PCDHA2: variants seen among roughly 807,000 people sequenced by gnomAD.
PCDHA2 encodes protocadherin alpha-2.
In PCDHA2, 58 loss-of-function variants were observed where a neutral mutation model predicts 66.0. That is an observed-to-expected ratio of 0.88 (90% CI 0.71 to 1.09). The LOEUF (loss-of-function observed/expected upper bound fraction) is 1.09. PCDHA2 is among the 50% of genes least tolerant of loss of function. The pLI is 0.00. For synonymous variants in PCDHA2, 634 were observed against 554.0 expected (o/e 1.14, Z -2.03); for missense variants, 1,267 against 1,242.3 (o/e 1.02, Z -0.30).
chr5:140,998,836 T>C (rs1388208720), intron 3 of PCDHA2, among the ~76,000 whole-genome samples: 2 of 152,254 alleles, frequency 1.3e-5, no homozygotes, highest in Non-Finnish European at 2.9e-5. Context: ...AGTGCTGGAT[T>C]ACTGGTGTGA....
At chr5:140,875,590 A>G (rs1554167782) in intron 1 of PCDHA2, 4 of 1,613,992 alleles carry the variant, frequency 2.5e-6, no homozygotes, top group Non-Finnish European at 3.4e-6. Flanking sequence ...CGAGGAGGCC[A>G]AACACGGCAC....
In PCDHA2 at chr5:141,012,118, T is replaced by C. The variant is rs2098422988; in HGVS notation, c.*2181T>C. 6.5e-6 allele frequency: 1 copy of C among 153,768 alleles called. No individual in the cohort carries two copies. The highest frequency in any genetic ancestry group is 2.4e-5 in the African/African-American group (1 of 41,458). The allele number at this position is 153,768 out of a possible 1,614,324, so 9.5% of individuals were successfully genotyped here. A position where few individuals can be genotyped will look rare whatever the true frequency, so the allele number is the denominator to read the frequency against. On this transcript the variant is annotated 3_prime_UTR_variant, in exon 4 of 4. Coordinates refer to ENST00000526136, the MANE Select transcript of PCDHA2 (RefSeq NM_018905.3). ...TCATTTTGCCCCACTGAAGCCCATG[T>C]ATCTGACCTTACGTGCCTTTTGAAC...
chr5:140,862,857 T>C (rs782223560), intron 1 of PCDHA2: 7 of 517,122 alleles, frequency 1.4e-5, no homozygotes, highest in African/African-American at 1.1e-4. Context: ...TGAGCAGCAA[T>C]GTGACGCTGC....
chr5:140,966,707 A>C, intron 1 of PCDHA2: 1 of 1,379,868 alleles, frequency 7.2e-7, no homozygotes, highest in Non-Finnish European at 9.3e-7. Context: ...GGCGTGGGGC[A>C]CGGCTGGGGA....
rs6883852 is a variant in PCDHA2, at chr5:140,924,704, G to T, written c.2389-54245G>T. 8.9e-3 allele frequency among the ~76,000 whole-genome samples: 1,352 copies of T among 152,160 alleles called. 15 individuals are homozygous for T. Among genetic ancestry groups the T allele is most frequent in the African/African-American group, 0.032 (1,309 of 41,486 alleles). On this transcript the variant is annotated intron_variant, in intron 1 of 3. Coordinates refer to ENST00000526136, the MANE Select transcript of PCDHA2 (RefSeq NM_018905.3). ...GAGGTCAGGAGTTCGAGACCAGCTT[G>T]TGCAACATGGCGAAACCTCACCTCT...
chr5:140,925,905 G>A (rs1241819632), intron 1 of PCDHA2, among the ~76,000 whole-genome samples: 1 of 151,822 alleles, frequency 6.6e-6, no homozygotes, highest in Admixed American at 6.6e-5. Flanking sequence ...GATCGTCAAG[G>A]GCCGTTTGCA....
rs78805068 is a variant in PCDHA2, at chr5:140,928,696, C to T, written c.2389-50253C>T. On this transcript the variant is annotated intron_variant, in intron 1 of 3. Transcript: ENST00000526136. ...TGCCTGGCTTTCCTACCACATCTCC[C>T]GGGCGTCTGACTCTAGTCTCTTTAG... The T allele has an allele frequency of 3.2e-3, 5,185 of 1,614,146 alleles. 27 individuals carry two copies. The highest frequency in any genetic ancestry group is 0.019 in the African/African-American group (1,449 of 75,020).
At position 141,010,386 on chromosome 5, in the gene PCDHA2, T is replaced by C; in HGVS notation, c.*449T>C. On this transcript the variant is annotated 3_prime_UTR_variant, in exon 4 of 4. Coordinates refer to ENST00000526136, the MANE Select transcript of PCDHA2 (RefSeq NM_018905.3). ...GGGTATGCGAGTGCCAGATATTGGCTGAGACGAGCCAGCTTAGACTAATTG... is the reference window on the plus strand; with the variant it reads ...GGGTATGCGAGTGCCAGATATTGGCCGAGACGAGCCAGCTTAGACTAATTG... The C allele has an allele frequency of 7.1e-7, 1 of 1,413,970 alleles. No homozygotes were observed. The highest frequency in any genetic ancestry group is 9.4e-7 in the Non-Finnish European group (1 of 1,063,616). 87.6% of individuals were successfully genotyped at this position (1,413,970 alleles called of 1,614,324 possible). A position where few individuals can be genotyped will look rare whatever the true frequency, so the allele number is the denominator to read the frequency against.
chr5:140,813,642 T>G (rs1554126262), intron 1 of PCDHA2: 2 of 152,226 alleles, frequency 1.3e-5, no homozygotes. Context: ...GACATTACTG[T>G]GCACTAATGT....
intron 1 of PCDHA2, chr5:140,801,633 C>T: frequency 1.2e-6 from 2 of 1,614,106 alleles, no homozygotes; most frequent in Non-Finnish European, 1.7e-6. Context: ...TTCCGAATCC[C>T]GACAGCCTGG....
At chr5:140,915,683 G>A (rs1052949485) in intron 1 of PCDHA2, among the ~76,000 whole-genome samples, 1 of 150,776 alleles carries the variant, frequency 6.6e-6, no homozygotes, top group African/African-American at 2.4e-5. Context: ...TTGAACTAGG[G>A]GTATGGTGAT....
chr5:140,961,477 G>T (rs2095615587), intron 1 of PCDHA2, among the ~76,000 whole-genome samples: 1 of 152,006 alleles, frequency 6.6e-6, no homozygotes, highest in African/African-American at 2.4e-5. Flanking sequence ...TTTTTGTCTT[G>T]TCCACGTGAG....
At chr5:140,938,322 A>G (rs1467948489) in intron 1 of PCDHA2, among the ~76,000 whole-genome samples, 1 of 152,240 alleles carries the variant, frequency 6.6e-6, no homozygotes, top group Admixed American at 6.5e-5. Context: ...ATTGAATAGA[A>G]GTAATGTTAA....
rs2150478834 is a variant in PCDHA2 at position 140,850,308 on chromosome 5, G to A, written c.2388+52956G>A. 1.9e-6 allele frequency: 3 copies of A among 1,597,160 alleles called. No individual in the cohort carries two copies. In the South Asian group the frequency reaches 3.3e-5, roughly 18 times the overall value. ...AGTGGACGCCGACTCGGGCTACAAC[G>A]CGTGGCTTTCATACGAGCTGCAGCC... On this transcript the variant is annotated intron_variant, in intron 1 of 3. Coordinates refer to ENST00000526136, the MANE Select transcript of PCDHA2 (RefSeq NM_018905.3).
intron 1 of PCDHA2, chr5:140,928,948 A>G: frequency 1.2e-6 from 2 of 1,614,032 alleles, no homozygotes; most frequent in Non-Finnish European, 1.7e-6. Flanking sequence ...GTATTTAGTA[A>G]TTGCCTTGGC....
chr5:140,801,742 T>G (rs965302343), intron 1 of PCDHA2: 1 of 1,613,990 alleles, frequency 6.2e-7, no homozygotes, highest in Non-Finnish European at 8.5e-7. Flanking sequence ...ACCTTGGACG[T>G]TAAAAGAAAT....
At chr5:140,985,982 G>A (rs1380609067) in intron 3 of PCDHA2, among the ~76,000 whole-genome samples, 3 of 151,940 alleles carry the variant, frequency 2.0e-5, no homozygotes, top group East Asian at 1.9e-4. Flanking sequence ...CTCGTGATCC[G>A]CCCACCTCAG....
At chr5:140,938,606 T>G (rs2092130259) in intron 1 of PCDHA2, among the ~76,000 whole-genome samples, 1 of 152,166 alleles carries the variant, frequency 6.6e-6, no homozygotes, top group African/African-American at 2.4e-5. Flanking sequence ...AATCTTGCAT[T>G]CTTGGAATAA....
At chr5:140,840,775 T>C (rs1318625823) in intron 1 of PCDHA2, among the ~76,000 whole-genome samples, 1 of 152,052 alleles carries the variant, frequency 6.6e-6, no homozygotes, top group Non-Finnish European at 1.5e-5. Flanking sequence ...GTAGAAAAGT[T>C]AGAATTATAT....
Sources: gnomAD v4.1 joint callset for allele counts (sites outside exome capture counted in the v4.1 genomes callset) on GRCh38, gnomAD v4.1.1 for gene constraint, MANE v1.5 for transcripts, NCBI Gene and HGNC (gene_info 2026-07-23, HGNC 2026-07-21) for gene names.